Variants in HELZ observed in about 807,000 individuals in gnomAD.
The protein encoded by HELZ is ATP-dependent RNA helicase with zinc finger domain.
HELZ carries 23 observed loss-of-function variants against 218.2 expected under a neutral mutation model. The ratio of observed to expected loss-of-function variants is 0.11; its 90% CI spans 0.08 to 0.15. The LOEUF (loss-of-function observed/expected upper bound fraction) is 0.15, where lower values mean the gene tolerates loss of function less well. Ranked by LOEUF, HELZ falls within the 10% of genes least tolerant of loss-of-function variation. The pLI is 1.00. For missense variants in HELZ, 1,813 were observed against 2,353.7 expected, an observed-to-expected ratio of 0.77 and a Z score of 4.75; for synonymous variants, 814 against 829.4, an observed-to-expected ratio of 0.98 and a Z score of 0.32.
intron 12 of HELZ, among the ~76,000 whole-genome samples, chr17:67,184,205 C>T (rs918677233): frequency 6.6e-6 from 1 of 152,132 alleles, no homozygotes; most frequent in African/African-American, 2.4e-5. Flanking sequence ...TTGACAGACA[C>T]TGAGAGCCAA....
chr17:67,107,832 T>C, intron 30 of HELZ, 147 bp from the exon 31 acceptor site: 2 of 674,754 alleles, frequency 3.0e-6, no homozygotes, highest in Non-Finnish European at 5.0e-6. Context: ...ATGTAAGCAT[T>C]AACACTCAAT....
rs535215029 is a variant in HELZ at position 67,154,501 on chromosome 17, A to C, written c.2178-3277T>G. Among the ~76,000 whole-genome samples the C allele has an allele frequency of 4.6e-5, 7 of 152,192 alleles. No homozygotes were observed. In the East Asian group the frequency reaches 1.2e-3, roughly 25 times the overall value. On this transcript the variant is annotated intron_variant, in intron 17 of 32. Transcript: ENST00000358691. ...TTTTATTGTCTGATACTAATTACTA[A>C]GTAATTTTTTGTTTCTTTGTTTTTC...
chr17:67,106,752 G>C (rs1252805911), intron 31 of HELZ, among the ~76,000 whole-genome samples: 1 of 152,212 alleles, frequency 6.6e-6, no homozygotes, highest in Non-Finnish European at 1.5e-5. Context: ...TGAGTGGCAG[G>C]AGAAGGAGCA....
chr17:67,186,076 C>T (rs1420357102), intron 12 of HELZ, among the ~76,000 whole-genome samples: 1 of 151,970 alleles, frequency 6.6e-6, no homozygotes, highest in Non-Finnish European at 1.5e-5. Context: ...GCACTGTGGC[C>T]TCAAGGGCTC....
chr17:67,235,303 A>G (rs1252448069), intron 3 of HELZ, among the ~76,000 whole-genome samples: 4 of 152,046 alleles, frequency 2.6e-5, no homozygotes, highest in Non-Finnish European at 4.4e-5. Context: ...TCAGAAGTTC[A>G]AGACCAGCCT....
intron 1 of HELZ, 50 bp from the exon 2 acceptor site, chr17:67,243,889 AT>A (rs1251495271): frequency 1.9e-6 from 1 of 530,492 alleles, no homozygotes; most frequent in Non-Finnish European, 2.4e-6. Flanking sequence ...AACAGACATT[AT>A]CAGTAGCAAA....
At chr17:67,214,287 A>T in intron 5 of HELZ, among the ~76,000 whole-genome samples, 2 of 104,832 alleles carry the variant, frequency 1.9e-5, no homozygotes, top group Non-Finnish European at 1.8e-5. Flanking sequence ...TTTTTTTGAG[A>T]CAGAGTCTCA....
rs767972884 is a variant in HELZ, at chr17:67,145,729, A to C, written c.2769+14T>G. The C allele has an allele frequency of 2.1e-5, 33 of 1,580,408 alleles. No individual in the cohort carries two copies. Among genetic ancestry groups the C allele is most frequent in the Non-Finnish European group, 2.0e-5 (23 of 1,158,428 alleles). On this transcript the variant is annotated intron_variant, in intron 21 of 32. Transcript: ENST00000358691. ...TGAGAAAATGTTAACAATTTACAAAAAGAATTAAGGTACCTCTGCATTATT... is the reference window on the plus strand; with the variant it reads ...TGAGAAAATGTTAACAATTTACAAACAGAATTAAGGTACCTCTGCATTATT...
At chr17:67,236,218 G>C (rs777246192) in intron 3 of HELZ, among the ~76,000 whole-genome samples, 1 of 152,050 alleles carries the variant, frequency 6.6e-6, no homozygotes, top group South Asian at 2.1e-4. Context: ...ATATAACAAA[G>C]AAATGAAAGT....
chr17:67,226,433 A>C (rs556927699), intron 3 of HELZ, among the ~76,000 whole-genome samples: 42 of 152,320 alleles, frequency 2.8e-4, no homozygotes, highest in African/African-American at 9.6e-4. Context: ...AGGGAAATGC[A>C]AACTAAAGCC....
At chr17:67,122,825 G>C (rs912802129) in intron 26 of HELZ, 145 bp downstream of exon 26, 7 of 569,138 alleles carry the variant, frequency 1.2e-5, no homozygotes, top group African/African-American at 1.9e-5. Context: ...CAAGGTTAGA[G>C]GTAACATTTG....
At chr17:67,219,853 G>C (rs1001636235) in intron 3 of HELZ, among the ~76,000 whole-genome samples, 2 of 152,192 alleles carry the variant, frequency 1.3e-5, no homozygotes, top group African/African-American at 4.8e-5. Flanking sequence ...AATAGTCCAA[G>C]TAAGAAATAG....
chr17:67,099,503 T>G (rs1485663242), intron 31 of HELZ, among the ~76,000 whole-genome samples: 1 of 152,244 alleles, frequency 6.6e-6, no homozygotes, highest in Admixed American at 6.5e-5. Context: ...TTTCAAATTC[T>G]GCTAATATTT....
chr17:67,100,248 GAA>G (rs2036883876), intron 31 of HELZ, among the ~76,000 whole-genome samples: 1 of 152,082 alleles, frequency 6.6e-6, no homozygotes, highest in Admixed American at 6.5e-5. Context: ...TTGTTTGAAA[GAA>G]AAAATGAAAA....
intron 4 of HELZ, among the ~76,000 whole-genome samples, chr17:67,216,515 A>G (rs532426133): frequency 6.6e-6 from 1 of 151,856 alleles, no homozygotes; most frequent in African/African-American, 2.4e-5. Flanking sequence ...TATCTCTCCC[A>G]CTAGCTACCA....
rs1424852344 is a variant in HELZ at position 67,137,905 on chromosome 17, C to T, written c.2953+26G>A. ...ACTTTAGATTTAAGCATTTGAATGACTGAATTCATTTCAATTGACACTTAC... is the reference window on the plus strand; with the variant it reads ...ACTTTAGATTTAAGCATTTGAATGATTGAATTCATTTCAATTGACACTTAC... On this transcript the variant is annotated intron_variant, in intron 22 of 32. Transcript: ENST00000358691. 3 of 1,536,110 alleles carry T rather than the reference C, an allele frequency of 2.0e-6. No individual in the cohort carries two copies. The South Asian group carries it at 3.7e-5, about 19-fold the overall frequency.
intron 5 of HELZ, among the ~76,000 whole-genome samples, chr17:67,212,236 A>AC (rs1567896233): frequency 7.0e-6 from 1 of 142,002 alleles, no homozygotes; most frequent in Non-Finnish European, 1.5e-5. Context: ...AATTGCTTGA[A>AC]CCCAGGAGGC....
chr17:67,234,571 G>A lies in HELZ; in HGVS notation c.-19+4862C>T, dbSNP rs540490238. Among the ~76,000 whole-genome samples, 20 of 151,996 alleles carry A rather than the reference G, an allele frequency of 1.3e-4. No homozygotes were observed. The South Asian group carries it at 3.1e-3, about 24-fold the overall frequency. On this transcript the variant is annotated intron_variant, in intron 3 of 32. Coordinates refer to ENST00000358691, the MANE Select transcript of HELZ (RefSeq NM_014877.4). ...CATTCAAGAAATTCCAAGGCCAAGC[G>A]TGGTGGCTCAGGCCTGTAATCCCAG... is the stretch of plus-strand genomic sequence containing the variant.
In HELZ at chr17:67,206,205, A is replaced by ATG. The variant is rs764246386; in HGVS notation, c.248-2764_248-2763dup. Among the ~76,000 whole-genome samples the ATG allele has an allele frequency of 3.9e-5, 6 of 152,350 alleles. No individual in the cohort carries two copies. The East Asian group carries it at 1.2e-3, about 29-fold the overall frequency. On this transcript the variant is annotated intron_variant, in intron 5 of 32. Transcript: ENST00000358691. ...CAGATAAATTCTCTTCCCATCAACT[A>ATG]TGTGTGAGAGTGTACTGTGCGCACA... is the stretch of plus-strand genomic sequence containing the variant.
Sources: gnomAD v4.1 joint callset for allele counts (sites outside exome capture counted in the v4.1 genomes callset) on GRCh38, gnomAD v4.1.1 for gene constraint, MANE v1.5 for transcripts, NCBI Gene and HGNC (gene_info 2026-07-23, HGNC 2026-07-21) for gene names.